MPDZ: variants seen among roughly 807,000 people sequenced by gnomAD.
MPDZ encodes the protein multiple PDZ domain crumbs cell polarity complex component.
MPDZ carries 234 observed loss-of-function variants against 239.1 expected under a neutral mutation model. That is an observed-to-expected ratio of 0.98 (90% confidence interval 0.88 to 1.09). The LOEUF is 1.09. MPDZ is among the 50% of genes least tolerant of loss of function. The probability of loss-of-function intolerance (pLI) is 0.00; values close to 1 mark genes in which losing one functional copy is unlikely to be tolerated. For synonymous variants in MPDZ, 1,048 were observed against 881.3 expected (o/e 1.19, Z -3.35); for missense variants, 3,175 against 2,510.0 (o/e 1.26, Z -5.66).
chr9:13,235,664 A>G (rs1963742183), intron 3 of MPDZ, among the ~76,000 whole-genome samples: 1 of 152,212 alleles, frequency 6.6e-6, no homozygotes, highest in Admixed American at 6.5e-5. Context: ...AGATAAGGGT[A>G]TTCAATTTAG....
intron 3 of MPDZ, among the ~76,000 whole-genome samples, chr9:13,237,441 CAAAAAAAAAAAAAA>C (rs71331532): frequency 3.7e-5 from 2 of 54,692 alleles, no homozygotes; most frequent in Admixed American, 5.3e-4. Flanking sequence ...GACACTGTCT[CAAAAAAAAAAAAAA>C]AAAAAAAAGG....
intron 27 of MPDZ, among the ~76,000 whole-genome samples, chr9:13,141,390 A>C (rs1434175088): frequency 6.6e-6 from 1 of 152,190 alleles, no homozygotes; most frequent in East Asian, 1.9e-4. Context: ...CCATTATATC[A>C]TGTTGTCTCC....
At position 13,212,923 on chromosome 9, in the gene MPDZ, C is replaced by G. The variant is rs187029045; in HGVS notation, c.1290+3851G>C. ...CAACTTACAAAATCTGGCCCCTGAG[C>G]ATACTCAACCTAGGTTGCCAGGGCC... On this transcript the variant is annotated intron_variant, in intron 10 of 46. Transcript: ENST00000319217. 3.3e-5 allele frequency among the ~76,000 whole-genome samples: 5 copies of G among 152,014 alleles called. No individual in the cohort carries two copies. In the East Asian group the frequency reaches 5.8e-4, roughly 18 times the overall value.
chr9:13,275,143 T>C (rs991441999), intron 1 of MPDZ, among the ~76,000 whole-genome samples: 3 of 152,190 alleles, frequency 2.0e-5, no homozygotes, highest in Admixed American at 1.3e-4. Flanking sequence ...AGAGTCTCAC[T>C]AGTTTACACA....
In MPDZ at chr9:13,119,519, C is replaced by G; in HGVS notation, c.5362G>C (p.Val1788Leu). The stretch of plus-strand genomic sequence containing the variant: ...TTTTTTACCTTTAGCAAAGCGGCAA[C>G]CGCTTCTTGGGTGGCATTACGAACG... ...EDVRNATQEA[V>L]AALLKCSLGT... The change falls in exon 39 of 47, where the codon GTT (valine) becomes CTT (leucine). Residue 1788 changes from valine (V) to leucine (L), a missense_variant. Transcript: ENST00000319217. The G allele has an allele frequency of 1.2e-6, 2 of 1,611,152 alleles. No homozygotes were observed. The highest frequency in any genetic ancestry group is 4.5e-5 in the East Asian group (2 of 44,870).
At chr9:13,266,716 A>G (rs1971872721) in intron 1 of MPDZ, among the ~76,000 whole-genome samples, 1 of 152,184 alleles carries the variant, frequency 6.6e-6, no homozygotes, top group Admixed American at 6.5e-5. Flanking sequence ...AAGCAATCAT[A>G]TTTCTTCAGC....
chr9:13,241,061 TA>T (rs949083735), intron 3 of MPDZ, among the ~76,000 whole-genome samples: 3 of 152,122 alleles, frequency 2.0e-5, no homozygotes, highest in Non-Finnish European at 4.4e-5. Context: ...TTGCCCACGG[TA>T]AAACAAAAAT....
chr9:13,131,729 T>C (rs1308579895), intron 32 of MPDZ, among the ~76,000 whole-genome samples: 1 of 152,194 alleles, frequency 6.6e-6, no homozygotes, highest in Admixed American at 6.5e-5. Flanking sequence ...ATCCACTGTC[T>C]TGTGGCCACC....
intron 23 of MPDZ, 54 bp from the exon 24 acceptor site, chr9:13,158,164 G>C: frequency 7.4e-7 from 1 of 1,356,094 alleles, no homozygotes; most frequent in South Asian, 1.2e-5. Context: ...AAACATGCAA[G>C]ATTATATGTA....
chr9:13,133,954 T>G (rs1223349361), intron 31 of MPDZ, 50 bp from the exon 32 acceptor site: 1 of 1,071,590 alleles, frequency 9.3e-7, no homozygotes, highest in Non-Finnish European at 1.3e-6. Context: ...GTTAGGAAAT[T>G]TGATTTGTTT....
At chr9:13,110,099 A>G in intron 44 of MPDZ, 35 bp from the exon 45 acceptor site, 1 of 1,501,260 alleles carries the variant, frequency 6.7e-7, no homozygotes, top group Non-Finnish European at 9.2e-7. Flanking sequence ...GAAAAAACAC[A>G]TGTTCCTGTG....
intron 39 of MPDZ, among the ~76,000 whole-genome samples, chr9:13,115,747 C>A (rs1054104645): frequency 1.3e-5 from 2 of 152,014 alleles, no homozygotes; most frequent in Middle Eastern, 6.8e-3. Context: ...AGATCAAGAC[C>A]ATCCTGGCTA....
chr9:13,214,405 C>T (rs940002526), intron 10 of MPDZ, among the ~76,000 whole-genome samples: 2 of 151,806 alleles, frequency 1.3e-5, no homozygotes, highest in Non-Finnish European at 2.9e-5. Context: ...TTGGTGGTTG[C>T]CCAGGACTGG....
At chr9:13,259,337 A>C (rs1375812025) in intron 1 of MPDZ, among the ~76,000 whole-genome samples, 1 of 151,934 alleles carries the variant, frequency 6.6e-6, no homozygotes, top group East Asian at 2.0e-4. Flanking sequence ...CTGTCTCGGA[A>C]AACAAAAAGA....
intron 4 of MPDZ, among the ~76,000 whole-genome samples, 152 bp from the exon 5 acceptor site, chr9:13,223,862 T>A (rs1222862574): frequency 6.6e-6 from 1 of 151,880 alleles, no homozygotes; most frequent in East Asian, 1.9e-4. Context: ...TGTGACCCCA[T>A]CTCTATAAAA....
intron 3 of MPDZ, among the ~76,000 whole-genome samples, chr9:13,232,668 T>C (rs1206146750): frequency 1.3e-5 from 2 of 151,640 alleles, no homozygotes; most frequent in African/African-American, 4.8e-5. Context: ...AATTTATTTT[T>C]AAAATTTAAA....
At chr9:13,245,052 T>C (rs1369019707) in intron 3 of MPDZ, among the ~76,000 whole-genome samples, 1 of 152,100 alleles carries the variant, frequency 6.6e-6, no homozygotes, top group Non-Finnish European at 1.5e-5. Context: ...AGGTAATAAA[T>C]ATAAGCTAGC....
At chr9:13,253,343 C>G (rs1353497095) in intron 1 of MPDZ, among the ~76,000 whole-genome samples, 2 of 151,788 alleles carry the variant, frequency 1.3e-5, no homozygotes, top group Non-Finnish European at 2.9e-5. Flanking sequence ...AAATGCATAG[C>G]TTTTTTTGAG....
At chr9:13,218,501 A>G (rs888806239) in intron 8 of MPDZ, among the ~76,000 whole-genome samples, 2 of 151,934 alleles carry the variant, frequency 1.3e-5, no homozygotes, top group African/African-American at 4.8e-5. Flanking sequence ...CCATAAAAGA[A>G]TGCCATTTAA....
Sources: allele counts gnomAD v4.1 joint callset (sites outside exome capture counted in the v4.1 genomes callset), GRCh38; gene constraint gnomAD v4.1.1; transcripts MANE v1.5; gene names NCBI Gene and HGNC (gene_info 2026-07-23, HGNC 2026-07-21).